The following DLG1 variants were observed in gnomAD, a reference collection of about 807,000 sequenced individuals.
DLG1 encodes disks large homolog 1.
DLG1 carries 42 observed loss-of-function variants against 123.4 expected under a neutral mutation model. The observed-to-expected ratio is 0.34, with a 90% CI of 0.27 to 0.44. DLG1 has a LOEUF of 0.44. DLG1 is among the 20% of genes least tolerant of loss of function. DLG1 has a pLI of 1.00. For synonymous variants in DLG1, 317 were observed against 356.2 expected (o/e 0.89, Z 1.24); for missense variants, 942 against 1,082.6 (o/e 0.87, Z 1.82).
At chr3:197,149,846 G>C (rs188496910) in intron 5 of DLG1, 50 bp from the exon 6 acceptor site, 1 of 1,093,820 alleles carries the variant, frequency 9.1e-7, no homozygotes, top group Non-Finnish European at 1.4e-6. Context: ...AACATTACAT[G>C]TTCATGTTCA....
At chr3:197,263,514 T>C (rs1017015908) in intron 4 of DLG1, among the ~76,000 whole-genome samples, 4 of 152,158 alleles carry the variant, frequency 2.6e-5, no homozygotes, top group Admixed American at 2.0e-4. Context: ...AGGCTGGGCA[T>C]GGTAGCTCAC....
chr3:197,131,936 C>T (rs1782839434), intron 10 of DLG1, among the ~76,000 whole-genome samples: 1 of 152,074 alleles, frequency 6.6e-6, no homozygotes, highest in Non-Finnish European at 1.5e-5. Context: ...TTTTTCTTTT[C>T]TTATTGCCCT....
chr3:197,237,867 G>A (rs547099571), intron 4 of DLG1, among the ~76,000 whole-genome samples: 1 of 152,322 alleles, frequency 6.6e-6, no homozygotes, highest in Non-Finnish European at 1.5e-5. Flanking sequence ...CTAACGGGGA[G>A]CTGGAACTCC....
chr3:197,229,053 C>A (rs561763754), intron 4 of DLG1, among the ~76,000 whole-genome samples: 2 of 152,102 alleles, frequency 1.3e-5, no homozygotes, highest in Non-Finnish European at 2.9e-5. Flanking sequence ...GCTGCCCAAT[C>A]GAGGAAAAGA....
chr3:197,096,836 A>G (rs900580561), intron 14 of DLG1, among the ~76,000 whole-genome samples: 6 of 152,216 alleles, frequency 3.9e-5, no homozygotes, highest in Non-Finnish European at 7.3e-5. Flanking sequence ...CTGTGGAGAC[A>G]TTACGCTAAT....
At chr3:197,101,339 C>T (rs1280272660) in intron 14 of DLG1, among the ~76,000 whole-genome samples, 4 of 151,898 alleles carry the variant, frequency 2.6e-5, no homozygotes, top group Non-Finnish European at 4.4e-5. Context: ...TAACATGGTT[C>T]GTATCATGCA....
At chr3:197,126,045 G>C (rs141917167) in intron 11 of DLG1, among the ~76,000 whole-genome samples, 97 of 152,352 alleles carry the variant, frequency 6.4e-4, no homozygotes, top group African/African-American at 2.2e-3. Flanking sequence ...ATGCAGAAGT[G>C]TACAACGAAA....
intron 17 of DLG1, among the ~76,000 whole-genome samples, chr3:197,080,226 A>G (rs1203181671): frequency 1.3e-5 from 2 of 150,124 alleles, no homozygotes; most frequent in Non-Finnish European, 3.0e-5. Flanking sequence ...GGAAAAATAA[A>G]TACACTTCTA....
rs1560878465 is a variant in DLG1, at chr3:197,127,478, AT to A, written c.1165+3048del. ...AAAAAATATATATATATATATATAT[AT>A]ATATATATATATATATAAAGTAAGA... On this transcript the variant is annotated intron_variant, in intron 11 of 24. Transcript: ENST00000667157. 1.9e-3 allele frequency among the ~76,000 whole-genome samples: 227 copies of A among 116,680 alleles called. 5 individuals are homozygous for A. The highest frequency in any genetic ancestry group is 3.9e-3 in the Middle Eastern group (1 of 258). The allele number at this position is 116,680 out of a possible 152,430, so 76.5% of individuals were successfully genotyped here. A position where few individuals can be genotyped will look rare whatever the true frequency, so the allele number is the denominator to read the frequency against.
chr3:197,194,687 T>C, intron 4 of DLG1, 98 bp from the exon 5 acceptor site: 1 of 735,562 alleles, frequency 1.4e-6, no homozygotes, highest in Non-Finnish European at 2.1e-6. Context: ...TATTTAGCAA[T>C]ATAAAAAGTA....
At chr3:197,216,624 T>G (rs562072399) in intron 4 of DLG1, among the ~76,000 whole-genome samples, 183 of 152,310 alleles carry the variant, frequency 1.2e-3, no homozygotes, top group African/African-American at 4.2e-3. Flanking sequence ...GCTGGTCACA[T>G]AGGCACCTAG....
intron 4 of DLG1, among the ~76,000 whole-genome samples, chr3:197,220,849 A>C (rs1385281928): frequency 2.0e-5 from 3 of 152,222 alleles, no homozygotes; most frequent in Non-Finnish European, 4.4e-5. Context: ...GGTAGCACAG[A>C]AATGAGAAAG....
chr3:197,061,246 C>A (rs1335258958), intron 22 of DLG1, among the ~76,000 whole-genome samples: 1 of 152,082 alleles, frequency 6.6e-6, no homozygotes, highest in Non-Finnish European at 1.5e-5. Context: ...CACCATGTAC[C>A]CATTATCTAC....
intron 4 of DLG1, among the ~76,000 whole-genome samples, chr3:197,202,068 GC>G (rs58223258): frequency 0.011 from 1,626 of 152,224 alleles, 30 homozygotes; most frequent in African/African-American, 0.037. Flanking sequence ...AGTGATGGAT[GC>G]CCTGGAAGCC....
At chr3:197,122,930 ATATT>A (rs1466074516) in intron 11 of DLG1, among the ~76,000 whole-genome samples, 11 of 152,130 alleles carry the variant, frequency 7.2e-5, no homozygotes, top group African/African-American at 2.4e-4. Flanking sequence ...CTTTACATCA[ATATT>A]TATTATAAAA....
At chr3:197,058,692 G>A (rs935106453) in intron 23 of DLG1, among the ~76,000 whole-genome samples, 2 of 152,192 alleles carry the variant, frequency 1.3e-5, no homozygotes, top group Non-Finnish European at 2.9e-5. Flanking sequence ...TGAGTGCAGT[G>A]TTTAACAGAT....
chr3:197,073,197 T>G (rs1241380998), intron 18 of DLG1, among the ~76,000 whole-genome samples: 2 of 152,208 alleles, frequency 1.3e-5, no homozygotes, highest in African/African-American at 4.8e-5. Context: ...TTTTGGCATT[T>G]AGAAGCTCTG....
At chr3:197,257,232 AAGAT>A (rs1443898285) in intron 4 of DLG1, among the ~76,000 whole-genome samples, 4 of 152,328 alleles carry the variant, frequency 2.6e-5, no homozygotes, top group Admixed American at 6.5e-5. Context: ...ATTTAAATAA[AAGAT>A]AGCTGTTTTA....
intron 14 of DLG1, among the ~76,000 whole-genome samples, chr3:197,096,821 C>G (rs1760896539): frequency 6.6e-6 from 1 of 152,180 alleles, no homozygotes; most frequent in African/African-American, 2.4e-5. Context: ...TCTGGTACAG[C>G]TTGACTGTGG....
Sources: allele counts gnomAD v4.1 joint callset (sites outside exome capture counted in the v4.1 genomes callset), GRCh38; gene constraint gnomAD v4.1.1; transcripts MANE v1.5; gene names NCBI Gene and HGNC (gene_info 2026-07-23, HGNC 2026-07-21).